Variants in TSPAN18 observed in about 807,000 individuals in gnomAD.
TSPAN18 encodes the protein tetraspanin 18.
A neutral mutation model predicts 27.3 loss-of-function variants in TSPAN18; 14 were observed. The ratio of observed to expected loss-of-function variants is 0.51; its 90% confidence interval spans 0.34 to 0.80. The LOEUF (loss-of-function observed/expected upper bound fraction) is 0.80. TSPAN18 is among the 30% of genes least tolerant of loss of function. The pLI is 0.01. For synonymous variants in TSPAN18, 143 were observed against 136.5 expected (o/e 1.05, Z -0.33); for missense variants, 268 against 323.9 (o/e 0.83, Z 1.32).
intron 2 of TSPAN18, among the ~76,000 whole-genome samples, chr11:44,841,991 G>A (rs2135167569): frequency 6.6e-6 from 1 of 152,354 alleles, no homozygotes; most frequent in South Asian, 2.1e-4. Context: ...CTCTAAATCT[G>A]ATCTAGCCCA....
In TSPAN18 at chr11:44,754,238, C is replaced by T. The variant is rs559765518; in HGVS notation, c.-239-10188C>T. On this transcript the variant is annotated intron_variant, in intron 1 of 9. Coordinates refer to ENST00000520358, the MANE Select transcript of TSPAN18 (RefSeq NM_130783.5). Reference sequence around the variant, plus strand: ...TTGGGGTGCAGTTTTCCCAGTATTCCGCTGCAGCCCTGTGGGTTATAAAGT... The same window carrying T: ...TTGGGGTGCAGTTTTCCCAGTATTCTGCTGCAGCCCTGTGGGTTATAAAGT... Among the ~76,000 whole-genome samples the T allele has an allele frequency of 5.3e-5, 8 of 152,284 alleles. No homozygotes were observed. In the East Asian group the frequency reaches 5.8e-4, roughly 11 times the overall value.
rs528014675 is a variant in TSPAN18 at position 44,758,345 on chromosome 11, A to G, written c.-239-6081A>G. ...TTTCCTCTTCATTCTGTTGATGTGG[A>G]GTATTACCTTGATTTTTGTATGCTT... On this transcript the variant is annotated intron_variant, in intron 1 of 9. Transcript: ENST00000520358. 2.0e-5 allele frequency among the ~76,000 whole-genome samples: 3 copies of G among 152,266 alleles called. No homozygotes were observed. In the South Asian group the frequency reaches 6.2e-4, roughly 32 times the overall value.
At chr11:44,905,078 A>G (rs556436049) in intron 3 of TSPAN18, among the ~76,000 whole-genome samples, 6 of 152,288 alleles carry the variant, frequency 3.9e-5, no homozygotes, top group African/African-American at 1.4e-4. Context: ...TTTTAAATTG[A>G]TGAATAATAA....
chr11:44,929,154 G>A lies in TSPAN18; in HGVS notation c.723G>A (p.Met241Ile). 1.2e-6 allele frequency: 2 copies of A among 1,613,530 alleles called. No homozygotes were observed. The highest frequency in any genetic ancestry group is 1.7e-6 in the Non-Finnish European group (2 of 1,180,020). Residue 241 changes from methionine (M) to isoleucine (I), a missense_variant, in exon 10 of 10, where the codon ATG becomes ATA. Transcript: ENST00000520358. ...AIELFAMIFA[M>I]CLFRGIQ is the part of the protein sequence containing the mutation. The stretch of plus-strand genomic sequence containing the variant: ...AGCTTTTCGCCATGATCTTTGCCAT[G>A]TGCCTCTTCCGGGGCATCCAGTAGA...
chr11:44,857,407 C>A (rs555939770), intron 2 of TSPAN18, among the ~76,000 whole-genome samples: 1 of 152,370 alleles, frequency 6.6e-6, no homozygotes, highest in African/African-American at 2.4e-5. Flanking sequence ...GGCTGTGCCA[C>A]AGCTGTGCTC....
intron 2 of TSPAN18, among the ~76,000 whole-genome samples, chr11:44,839,608 G>A (rs927442045): frequency 6.6e-6 from 1 of 151,950 alleles, no homozygotes; most frequent in Admixed American, 6.6e-5. Flanking sequence ...CTGCCCCAGG[G>A]GTTCCTCTAC....
At chr11:44,900,585 A>G (rs924735853) in intron 3 of TSPAN18, among the ~76,000 whole-genome samples, 7 of 150,972 alleles carry the variant, frequency 4.6e-5, no homozygotes, top group African/African-American at 1.7e-4. Flanking sequence ...GTTCCCTGGC[A>G]CATAGTAAGA....
intron 3 of TSPAN18, among the ~76,000 whole-genome samples, chr11:44,882,354 A>G (rs529524042): frequency 1.1e-4 from 16 of 152,154 alleles, no homozygotes; most frequent in African/African-American, 3.6e-4. Context: ...CCCTGCTCCC[A>G]GCGGGTCTCC....
rs17180585 is a variant in TSPAN18 at position 44,803,504 on chromosome 11, G to A, written c.-153+38992G>A. Among the ~76,000 whole-genome samples the A allele has an allele frequency of 0.021, 3,130 of 152,290 alleles. 144 individuals are homozygous for A. In the East Asian group the frequency reaches 0.21, roughly 10 times the overall value. ...TTAATTGTTCTGTCATTAGGAGTCT[G>A]AAGGTTTTGGACCAGGCCAGTGGTC... On this transcript the variant is annotated intron_variant, in intron 2 of 9. Transcript: ENST00000520358.
rs891541354 is a variant in TSPAN18 at position 44,764,476 on chromosome 11, C to T, written c.-189C>T. The T allele has an allele frequency of 1.3e-5, 2 of 152,368 alleles. No individual in the cohort carries two copies. 9.4% of individuals were successfully genotyped at this position (152,368 alleles called of 1,614,324 possible). A position where few individuals can be genotyped will look rare whatever the true frequency, so the allele number is the denominator to read the frequency against. On this transcript the variant is annotated 5_prime_UTR_variant, in exon 2 of 10. Coordinates refer to ENST00000520358, the MANE Select transcript of TSPAN18 (RefSeq NM_130783.5). ...AGGACACTGTAAGAGAACCTTGGCA[C>T]CTCTGGGCCCAAAGGGAAAGACACC...
intron 2 of TSPAN18, among the ~76,000 whole-genome samples, chr11:44,855,747 C>T (rs1192327714): frequency 1.3e-5 from 2 of 150,790 alleles, no homozygotes; most frequent in African/African-American, 4.9e-5. Flanking sequence ...TCCCCCCACA[C>T]CACCCACCCA....
At chr11:44,913,715 C>T (rs1254659214) in intron 5 of TSPAN18, among the ~76,000 whole-genome samples, 1 of 152,186 alleles carries the variant, frequency 6.6e-6, no homozygotes, top group Non-Finnish European at 1.5e-5. Flanking sequence ...TGGAAATGTT[C>T]CCAACTAGAC....
chr11:44,790,180 C>T (rs994438967), intron 2 of TSPAN18, among the ~76,000 whole-genome samples: 4 of 144,516 alleles, frequency 2.8e-5, no homozygotes, highest in South Asian at 2.3e-4. Context: ...TGTGTGTGTG[C>T]GCATATGTGT....
At chr11:44,752,627 T>C (rs1435980038) in intron 1 of TSPAN18, among the ~76,000 whole-genome samples, 2 of 152,212 alleles carry the variant, frequency 1.3e-5, no homozygotes, top group African/African-American at 4.8e-5. Context: ...TATAAATGAG[T>C]ATGTATTGTC....
At chr11:44,888,092 A>G (rs936300022) in intron 3 of TSPAN18, among the ~76,000 whole-genome samples, 4 of 152,104 alleles carry the variant, frequency 2.6e-5, no homozygotes, top group African/African-American at 9.7e-5. Flanking sequence ...AGTCAGAGAG[A>G]GGGCAGGCTT....
chr11:44,768,716 C>T (rs1296301562), intron 2 of TSPAN18, among the ~76,000 whole-genome samples: 5 of 152,020 alleles, frequency 3.3e-5, no homozygotes, highest in East Asian at 3.8e-4. Context: ...TATTAACTAT[C>T]GGTGTTCTGT....
At chr11:44,847,455 C>A (rs1857508985) in intron 2 of TSPAN18, among the ~76,000 whole-genome samples, 1 of 152,250 alleles carries the variant, frequency 6.6e-6, no homozygotes, top group Non-Finnish European at 1.5e-5. Flanking sequence ...GGTTCATCCA[C>A]ATTGTAGCAC....
intron 3 of TSPAN18, among the ~76,000 whole-genome samples, chr11:44,881,176 C>T (rs1212258588): frequency 2.0e-5 from 3 of 152,206 alleles, no homozygotes; most frequent in Admixed American, 6.5e-5. Flanking sequence ...AGCATGACCA[C>T]CCAGGGCTAC....
chr11:44,879,240 A>G (rs1858423209), intron 3 of TSPAN18, among the ~76,000 whole-genome samples: 1 of 152,036 alleles, frequency 6.6e-6, no homozygotes, highest in African/African-American at 2.4e-5. Context: ...ACGGAGATTT[A>G]TCCCTCCCTC....
Sources: gnomAD v4.1 joint callset for allele counts (sites outside exome capture counted in the v4.1 genomes callset) on GRCh38, gnomAD v4.1.1 for gene constraint, MANE v1.5 for transcripts, NCBI Gene and HGNC (gene_info 2026-07-23, HGNC 2026-07-21) for gene names.